Variants in PIEZO2 observed in about 807,000 individuals in gnomAD.
PIEZO2 encodes piezo-type mechanosensitive ion channel component 2.
PIEZO2 carries 172 observed loss-of-function variants against 337.3 expected under a neutral mutation model. That is an observed-to-expected ratio of 0.51 (90% CI 0.45 to 0.58). The LOEUF is 0.58. Ranked by LOEUF, PIEZO2 falls within the 20% of genes least tolerant of loss-of-function variation. The pLI, the probability that PIEZO2 is intolerant of heterozygous loss-of-function variation, is 0.00. For missense variants in PIEZO2, 3,028 were observed against 3,391.3 expected (o/e 0.89, Z 2.66); for synonymous variants, 1,251 against 1,228.5 (o/e 1.02, Z -0.38).
chr18:10,872,413 G>A lies in PIEZO2; in HGVS notation c.330-998C>T, dbSNP rs113538377. ...AACGCCATCTGTGATTTTGGGAGGC[G>A]TCCAGTGGTAATGAATATGGGAATG... On this transcript the variant is annotated intron_variant, in intron 4 of 55. Coordinates refer to ENST00000674853, the MANE Select transcript of PIEZO2 (RefSeq NM_001378183.1). The surrounding 1 kb of genome is among the most constrained non-coding windows in gnomAD (Gnocchi z 4.3). Among the ~76,000 whole-genome samples, 3,473 of 152,248 alleles carry A rather than the reference G, an allele frequency of 0.023. 59 individuals carry two copies. Among genetic ancestry groups the A allele is most frequent in the Non-Finnish European group, 0.036 (2,444 of 68,014 alleles).
intron 27 of PIEZO2, among the ~76,000 whole-genome samples, chr18:10,754,736 A>AGG (rs2037770055): frequency 6.6e-6 from 1 of 152,200 alleles, no homozygotes; most frequent in Non-Finnish European, 1.5e-5. Flanking sequence ...TCAAGTCTGT[A>AGG]TAGCATATTG....
intron 2 of PIEZO2, among the ~76,000 whole-genome samples, chr18:11,014,814 C>CA (rs2036047738): frequency 4.2e-5 from 6 of 144,194 alleles, no homozygotes; most frequent in South Asian, 2.3e-4. Flanking sequence ...GACAGCGATC[C>CA]GGGGCCCCCT....
Position 11,143,599 on chromosome 18 carries a change from TAACACACA to T in PIEZO2, c.64+4918_64+4925del, listed in dbSNP as rs1267667686. ...AAAAATCCTGAGAACTAAAAATCTC[TAACACACA>T]CACACACACACACACACACACACAC... is the stretch of plus-strand genomic sequence containing the variant. On this transcript the variant is annotated intron_variant, in intron 1 of 55. Transcript: ENST00000674853. This position sits in a 1 kb window ranked among gnomAD's most constrained non-coding sequence, Gnocchi z 4.9. Among the ~76,000 whole-genome samples, 4 of 78,320 alleles carry T rather than the reference TAACACACA, an allele frequency of 5.1e-5. No individual in the cohort carries two copies. The highest frequency in any genetic ancestry group is 1.1e-3 in the South Asian group (2 of 1,774). 51.4% of individuals were successfully genotyped at this position (78,320 alleles called of 152,430 possible).
intron 1 of PIEZO2, among the ~76,000 whole-genome samples, chr18:11,120,777 C>T (rs1028815775): frequency 2.0e-5 from 3 of 152,160 alleles, no homozygotes; most frequent in African/African-American, 7.2e-5. Context: ...ACTTGAATAC[C>T]TAACTATGCA....
intron 4 of PIEZO2, among the ~76,000 whole-genome samples, chr18:10,909,456 T>A (rs866217826): frequency 1.3e-5 from 2 of 152,082 alleles, no homozygotes; most frequent in Admixed American, 1.3e-4. Flanking sequence ...TTTGAGATGA[T>A]CAGGAAATGT....
At chr18:10,851,148 C>A (rs1169101260) in intron 7 of PIEZO2, among the ~76,000 whole-genome samples, 1 of 130,440 alleles carries the variant, frequency 7.7e-6, no homozygotes, top group African/African-American at 3.0e-5. Flanking sequence ...TTCTTTTTTT[C>A]TTTTATCTTT....
At chr18:10,816,016 G>A (rs1196730423) in intron 7 of PIEZO2, among the ~76,000 whole-genome samples, 1 of 152,192 alleles carries the variant, frequency 6.6e-6, no homozygotes, top group African/African-American at 2.4e-5. Context: ...ACACAACACA[G>A]GTACCGGATT....
chr18:10,991,080 TATTA>T (rs1473876846), intron 2 of PIEZO2, among the ~76,000 whole-genome samples: 1 of 151,768 alleles, frequency 6.6e-6, no homozygotes, highest in Non-Finnish European at 1.5e-5. Flanking sequence ...ATTGTTTATT[TATTA>T]ATTGTTTTAT....
At position 11,105,243 on chromosome 18, in the gene PIEZO2, C is replaced by A. The variant is rs114434039; in HGVS notation, c.65-39021G>T. Among the ~76,000 whole-genome samples, 1,219 of 152,276 alleles carry A rather than the reference C, an allele frequency of 8.0e-3. 16 individuals carry two copies. Among genetic ancestry groups the A allele is most frequent in the African/African-American group, 0.028 (1,143 of 41,560 alleles). ...AAACTTGCAACCAAAAAGAGTTACA[C>A]GCCCAAAGACTGCAAACCAATATGG... On this transcript the variant is annotated intron_variant, in intron 1 of 55. Coordinates refer to ENST00000674853, the MANE Select transcript of PIEZO2 (RefSeq NM_001378183.1). The surrounding 1 kb of genome is among the most constrained non-coding windows in gnomAD (Gnocchi z 4.3).
chr18:11,040,184 CAGA>C (rs1345866153), intron 2 of PIEZO2, among the ~76,000 whole-genome samples: 1 of 151,904 alleles, frequency 6.6e-6, no homozygotes, highest in Non-Finnish European at 1.5e-5. Flanking sequence ...TCAACAAGTC[CAGA>C]AGAAGTCCAT....
rs566243324 is a variant in PIEZO2 at position 10,784,215 on chromosome 18, C to T, written c.2492+569G>A. On this transcript the variant is annotated intron_variant, in intron 17 of 55. Transcript: ENST00000674853. This position sits in a 1 kb window ranked among gnomAD's most constrained non-coding sequence, Gnocchi z 4.5. ...TAATATCCCATCTGTTATTTGCAAA[C>T]AATGTATATTTATTGATGAGGATAA... 2.0e-5 allele frequency among the ~76,000 whole-genome samples: 3 copies of T among 152,264 alleles called. No homozygotes were observed. The highest frequency in any genetic ancestry group is 4.4e-5 in the Non-Finnish European group (3 of 68,024).
chr18:10,701,731 T>A, intron 43 of PIEZO2: 3 of 356,386 alleles, frequency 8.4e-6, no homozygotes, highest in Non-Finnish European at 1.5e-5. Context: ...GTTGGAAACA[T>A]GGGGAAACAT....
chr18:11,064,133 C>G (rs568960180), intron 2 of PIEZO2, among the ~76,000 whole-genome samples: 1 of 152,220 alleles, frequency 6.6e-6, no homozygotes, highest in South Asian at 2.1e-4. Context: ...CCAGGTTGGA[C>G]AAGCTTGGTC....
At chr18:11,010,888 G>T (rs2035874083) in intron 2 of PIEZO2, among the ~76,000 whole-genome samples, 1 of 152,212 alleles carries the variant, frequency 6.6e-6, no homozygotes, top group Non-Finnish European at 1.5e-5. Context: ...TTATATTAGT[G>T]TATGCTTAAC....
At chr18:10,951,013 T>C (rs767908422) in intron 3 of PIEZO2, among the ~76,000 whole-genome samples, 8 of 152,136 alleles carry the variant, frequency 5.3e-5, no homozygotes, top group Non-Finnish European at 7.4e-5. Flanking sequence ...GCTGAGAAGC[T>C]GGGGGAAAAA....
chr18:11,144,455 G>A (rs1458865653), intron 1 of PIEZO2, among the ~76,000 whole-genome samples: 7 of 152,138 alleles, frequency 4.6e-5, no homozygotes, highest in Non-Finnish European at 8.8e-5. Flanking sequence ...GGAGGCCAAT[G>A]CTGATCACAT....
At chr18:10,778,068 A>G (rs1297652884) in intron 18 of PIEZO2, among the ~76,000 whole-genome samples, 1 of 152,198 alleles carries the variant, frequency 6.6e-6, no homozygotes, top group Non-Finnish European at 1.5e-5. Flanking sequence ...CTAAATTTTA[A>G]TCAACTCTTA....
chr18:10,758,747 T>C (rs1881177524), intron 26 of PIEZO2, among the ~76,000 whole-genome samples: 1 of 152,206 alleles, frequency 6.6e-6, no homozygotes, highest in Admixed American at 6.5e-5. Flanking sequence ...AACCAAAGAC[T>C]GTCCCCAAAG....
intron 47 of PIEZO2, 124 bp downstream of exon 47, chr18:10,695,949 TG>T: frequency 1.1e-6 from 1 of 885,960 alleles, no homozygotes; most frequent in Non-Finnish European, 1.8e-6. Context: ...TTCCTACCCG[TG>T]GTGCTGCTGT....
Sources: allele counts gnomAD v4.1 joint callset (sites outside exome capture counted in the v4.1 genomes callset), GRCh38; gene constraint gnomAD v4.1.1; non-coding constraint Gnocchi (gnomAD v3.1); transcripts MANE v1.5; gene names NCBI Gene and HGNC (gene_info 2026-07-23, HGNC 2026-07-21).